Variants in KIAA1958 observed in about 807,000 individuals in gnomAD.
KIAA1958 encodes KIAA1958, also known as uncharacterized protein KIAA1958.
In KIAA1958, 14 loss-of-function variants were observed where a neutral mutation model predicts 47.2. The observed-to-expected ratio is 0.30, with a 90% CI of 0.20 to 0.46. The LOEUF is 0.46. KIAA1958 is among the 20% of genes least tolerant of loss of function. KIAA1958 has a pLI of 1.00. For synonymous variants in KIAA1958, 354 were observed against 353.3 expected (o/e 1.00, Z -0.02); for missense variants, 803 against 909.2 (o/e 0.88, Z 1.50).
intron 1 of KIAA1958, among the ~76,000 whole-genome samples, chr9:112,571,185 G>A (rs1184111575): frequency 6.6e-6 from 1 of 152,158 alleles, no homozygotes; most frequent in East Asian, 1.9e-4. Context: ...GCTTTACTAG[G>A]TTTCTAAGTC....
rs539223882 is a variant in KIAA1958, at chr9:112,556,090, G to A, written c.-24-17967G>A. ...GTGAAACTCTGTCTCCAAAAAAAAA[G>A]CTTCACTTCTTAAAACCGCAATGGG... On this transcript the variant is annotated intron_variant, in intron 1 of 3. Coordinates refer to ENST00000337530, the MANE Select transcript of KIAA1958 (RefSeq NM_133465.4). 1.6e-4 allele frequency among the ~76,000 whole-genome samples: 24 copies of A among 152,194 alleles called. No homozygotes were observed. In the East Asian group the frequency reaches 3.7e-3, roughly 23 times the overall value.
intron 3 of KIAA1958, among the ~76,000 whole-genome samples, chr9:112,658,550 T>G (rs902000634): frequency 6.6e-6 from 1 of 152,210 alleles, no homozygotes; most frequent in Non-Finnish European, 1.5e-5. Context: ...CACACATGTA[T>G]ATATGTGTAT....
intron 1 of KIAA1958, among the ~76,000 whole-genome samples, chr9:112,519,437 C>T (rs1261962747): frequency 6.6e-6 from 1 of 152,198 alleles, no homozygotes; most frequent in Non-Finnish European, 1.5e-5. Flanking sequence ...TGATGGTTAT[C>T]ACCAGAGCAT....
intron 1 of KIAA1958, among the ~76,000 whole-genome samples, chr9:112,570,800 C>A (rs1160598133): frequency 1.3e-5 from 2 of 152,164 alleles, no homozygotes; most frequent in African/African-American, 2.4e-5. Context: ...AGAAGTCTTA[C>A]AACAGGCTGT....
chr9:112,600,382 G>A (rs1009975620), intron 2 of KIAA1958, among the ~76,000 whole-genome samples: 15 of 152,208 alleles, frequency 9.9e-5, no homozygotes, highest in African/African-American at 2.2e-4. Flanking sequence ...GCAATGTTAC[G>A]TCTCTTTTTG....
chr9:112,617,401 G>T (rs1321238624), intron 2 of KIAA1958, among the ~76,000 whole-genome samples: 1 of 152,180 alleles, frequency 6.6e-6, no homozygotes, highest in African/African-American at 2.4e-5. Flanking sequence ...TTTTAGTGAT[G>T]TGTTAAAATA....
chr9:112,555,994 G>C (rs751443769), intron 1 of KIAA1958, among the ~76,000 whole-genome samples: 1 of 152,120 alleles, frequency 6.6e-6, no homozygotes, highest in African/African-American at 2.4e-5. Context: ...AGAATCACTT[G>C]AAAACCTGGG....
At position 112,574,787 on chromosome 9, in the gene KIAA1958, C is replaced by A; in HGVS notation, c.707C>A (p.Pro236His). Reference protein sequence around the residue: ...PALSLTQMAKPKPQTHAGPSC... With the variant: ...PALSLTQMAKHKPQTHAGPSC... The stretch of plus-strand genomic sequence containing the variant: ...CTGTCCTTGACACAGATGGCAAAAC[C>A]CAAGCCTCAGACTCACGCTGGTCCC... Residue 236 changes from proline (P) to histidine (H), a missense_variant, in exon 2 of 4, where the codon CCC (proline) becomes CAC (histidine). Physicochemically the swap from Pro to His is moderately conservative, Grantham distance 77. Coordinates refer to ENST00000337530, the MANE Select transcript of KIAA1958 (RefSeq NM_133465.4). 6.2e-7 allele frequency: 1 copy of A among 1,614,008 alleles called. No homozygotes were observed. Among genetic ancestry groups the A allele is most frequent in the South Asian group, 1.1e-5 (1 of 91,038 alleles).
At chr9:112,548,243 C>T (rs553900719) in intron 1 of KIAA1958, among the ~76,000 whole-genome samples, 1 of 152,162 alleles carries the variant, frequency 6.6e-6, no homozygotes, top group Non-Finnish European at 1.5e-5. Flanking sequence ...AGTCTGCCCA[C>T]CTTGGCCTCC....
At chr9:112,565,581 G>A (rs1835414385) in intron 1 of KIAA1958, among the ~76,000 whole-genome samples, 1 of 152,160 alleles carries the variant, frequency 6.6e-6, no homozygotes, top group Non-Finnish European at 1.5e-5. Context: ...GCAATCAGTA[G>A]ATTTTAAAAA....
At chr9:112,539,419 A>G (rs1012056513) in intron 1 of KIAA1958, among the ~76,000 whole-genome samples, 6 of 152,228 alleles carry the variant, frequency 3.9e-5, no homozygotes, top group Non-Finnish European at 5.9e-5. Context: ...TAAGTGAAAG[A>G]ATCAAGTTAT....
At position 112,488,661 on chromosome 9, in the gene KIAA1958, T is replaced by TA. The variant is rs549053247; in HGVS notation, c.-25+1550dup. Among the ~76,000 whole-genome samples the TA allele has an allele frequency of 3.3e-3, 497 of 152,068 alleles. 4 individuals are homozygous for TA. The highest frequency in any genetic ancestry group is 0.011 in the African/African-American group (477 of 41,502). On this transcript the variant is annotated intron_variant, in intron 1 of 3. Transcript: ENST00000337530. ...CATATGTAAAAAATAGAGGTTTTCCTAAAAAAACAAAAAGCATTATCATCT... is the reference window on the plus strand; with the variant it reads ...CATATGTAAAAAATAGAGGTTTTCCTAAAAAAAACAAAAAGCATTATCATCT...
chr9:112,519,366 C>T (rs903299775), intron 1 of KIAA1958, among the ~76,000 whole-genome samples: 1 of 152,142 alleles, frequency 6.6e-6, no homozygotes, highest in African/African-American at 2.4e-5. Flanking sequence ...TGAACTTATG[C>T]TCATAGCTTT....
rs149787237 is a variant in KIAA1958 at position 112,574,350 on chromosome 9, G to A, written c.270G>A (p.Val90=). The A allele has an allele frequency of 1.2e-3, 2,011 of 1,614,032 alleles. 2 individuals are homozygous for A. The highest frequency in any genetic ancestry group is 1.6e-3 in the Non-Finnish European group (1,923 of 1,180,004). ...FNSDSPSIIG[V]PSETQTSPVE... ...CTGATAGTCCCAGTATAATCGGGGT[G>A]CCCTCTGAGACACAGACTAGCCCTG... Residue 90 remains valine, a synonymous_variant, in exon 2 of 4, where the codon GTG becomes GTA. Coordinates refer to ENST00000337530, the MANE Select transcript of KIAA1958 (RefSeq NM_133465.4).
At chr9:112,644,192 AAAC>A (rs1836939322) in intron 2 of KIAA1958, among the ~76,000 whole-genome samples, 4 of 74,220 alleles carry the variant, frequency 5.4e-5, no homozygotes, top group Admixed American at 2.8e-4. Flanking sequence ...ACAAACAAAC[AAAC>A]AAAAAACAAA....
intron 1 of KIAA1958, among the ~76,000 whole-genome samples, chr9:112,556,920 A>G (rs1431354421): frequency 3.9e-5 from 6 of 152,154 alleles, no homozygotes; most frequent in South Asian, 2.1e-4. Context: ...GTGGGTAGAC[A>G]TATTTCAGAT....
chr9:112,642,193 G>A (rs903988685), intron 2 of KIAA1958, among the ~76,000 whole-genome samples: 3 of 152,144 alleles, frequency 2.0e-5, no homozygotes, highest in Non-Finnish European at 4.4e-5. Flanking sequence ...TGCAGGCCAT[G>A]GCTGAGCACA....
rs925101329 is a variant in KIAA1958 at position 112,487,700 on chromosome 9, C to A, written c.-25+582C>A. Among the ~76,000 whole-genome samples, 14 of 151,990 alleles carry A rather than the reference C, an allele frequency of 9.2e-5. 1 individual carries two copies. Among genetic ancestry groups the A allele is most frequent in the Admixed American group, 7.9e-4 (12 of 15,282 alleles). The stretch of plus-strand genomic sequence containing the variant: ...GTTTCTAACGGAGGAGGGCTTTCTC[C>A]AAAAGGCTCTTCCGCCCCCCCACCC... On this transcript the variant is annotated intron_variant, in intron 1 of 3. Transcript: ENST00000337530.
intron 2 of KIAA1958, among the ~76,000 whole-genome samples, chr9:112,613,762 G>T (rs1836366000): frequency 1.3e-5 from 2 of 152,140 alleles, no homozygotes; most frequent in Non-Finnish European, 2.9e-5. Flanking sequence ...AAGTAAGAAA[G>T]GTTAACAGTA....
Sources: allele counts gnomAD v4.1 joint callset (sites outside exome capture counted in the v4.1 genomes callset), GRCh38; gene constraint gnomAD v4.1.1; transcripts MANE v1.5; gene names NCBI Gene and HGNC (gene_info 2026-07-23, HGNC 2026-07-21).